GRXCR1: variants seen among roughly 807,000 people sequenced by gnomAD.
GRXCR1 encodes glutaredoxin domain-containing cysteine-rich protein 1.
In GRXCR1, 27 loss-of-function variants were observed where a neutral mutation model predicts 27.3. The ratio of observed to expected loss-of-function variants is 0.99; its 90% confidence interval spans 0.73 to 1.37. The LOEUF (loss-of-function observed/expected upper bound fraction) is 1.37. GRXCR1 is among the 40% of genes most tolerant of loss of function. The pLI, the probability that GRXCR1 is intolerant of heterozygous loss-of-function variation, is 0.00. For synonymous variants in GRXCR1, 122 were observed against 131.1 expected (o/e 0.93, Z 0.47); for missense variants, 379 against 354.4 (o/e 1.07, Z -0.56).
intron 1 of GRXCR1, among the ~76,000 whole-genome samples, chr4:42,934,430 C>T (rs936193488): frequency 4.6e-5 from 7 of 151,878 alleles, no homozygotes; most frequent in South Asian, 4.1e-4. Flanking sequence ...GAGTTTCTCT[C>T]TCTTCTTTTA....
intron 2 of GRXCR1, among the ~76,000 whole-genome samples, chr4:42,976,117 G>A (rs145070152): frequency 3.3e-5 from 5 of 152,154 alleles, no homozygotes; most frequent in African/African-American, 1.2e-4. Flanking sequence ...TTGTGAAGTG[G>A]TCTAGCAGGT....
intron 2 of GRXCR1, among the ~76,000 whole-genome samples, chr4:42,994,458 G>A (rs955617392): frequency 1.3e-5 from 2 of 152,114 alleles, no homozygotes; most frequent in Non-Finnish European, 2.9e-5. Flanking sequence ...CTCTGCTGCA[G>A]CTTCTATAGG....
intron 1 of GRXCR1, among the ~76,000 whole-genome samples, chr4:42,929,119 C>A (rs1186755011): frequency 6.6e-6 from 1 of 151,970 alleles, no homozygotes. Flanking sequence ...GATATAATTT[C>A]TTACTATGTC....
intron 1 of GRXCR1, among the ~76,000 whole-genome samples, chr4:42,949,212 A>C (rs1294196818): frequency 1.3e-5 from 2 of 151,794 alleles, no homozygotes; most frequent in East Asian, 2.0e-4. Context: ...ACACACACAA[A>C]AAAAAAGCTG....
intron 1 of GRXCR1, among the ~76,000 whole-genome samples, chr4:42,929,325 C>G (rs1034563572): frequency 3.9e-5 from 6 of 151,946 alleles, no homozygotes; most frequent in African/African-American, 1.4e-4. Flanking sequence ...TGCACAGTGG[C>G]CTATAATAGC....
intron 2 of GRXCR1, among the ~76,000 whole-genome samples, chr4:43,014,323 G>T (rs1712863626): frequency 6.6e-6 from 1 of 151,936 alleles, no homozygotes; most frequent in African/African-American, 2.4e-5. Flanking sequence ...TTTTTTGGTG[G>T]GGCTCAGGTG....
intron 1 of GRXCR1, among the ~76,000 whole-genome samples, chr4:42,899,535 T>C (rs1309499492): frequency 6.6e-6 from 1 of 152,156 alleles, no homozygotes; most frequent in African/African-American, 2.4e-5. Flanking sequence ...CTCCTTTTAG[T>C]CTTTCTCTTA....
At chr4:43,005,367 A>AT (rs1430789794) in intron 2 of GRXCR1, among the ~76,000 whole-genome samples, 3 of 152,176 alleles carry the variant, frequency 2.0e-5, no homozygotes, top group Non-Finnish European at 4.4e-5. Flanking sequence ...AGTTTCTGAC[A>AT]TTTTTTAGTT....
Position 43,003,188 on chromosome 4 carries a change from A to G in GRXCR1, c.628-17166A>G, listed in dbSNP as rs979509008. ...AACTTCTTTTCTTCATAAATTACCC[A>G]GTCTCAAGTAGTTCTTTATAGAAGT... On this transcript the variant is annotated intron_variant, in intron 2 of 3. Transcript: ENST00000399770. 5.3e-5 allele frequency among the ~76,000 whole-genome samples: 8 copies of G among 152,282 alleles called. No homozygotes were observed. In the East Asian group the frequency reaches 5.8e-4, roughly 11 times the overall value.
chr4:42,933,650 A>G (rs1747383032), intron 1 of GRXCR1, among the ~76,000 whole-genome samples: 1 of 151,906 alleles, frequency 6.6e-6, no homozygotes, highest in South Asian at 2.1e-4. Context: ...GCCCTCATAA[A>G]TAGGATTTGT....
chr4:42,989,791 T>G (rs891113872), intron 2 of GRXCR1, among the ~76,000 whole-genome samples: 2 of 152,210 alleles, frequency 1.3e-5, no homozygotes, highest in Non-Finnish European at 2.9e-5. Context: ...TTCTTTCTCT[T>G]AGAAAAGTTC....
chr4:42,972,684 A>C (rs145248902), intron 2 of GRXCR1, among the ~76,000 whole-genome samples: 16 of 152,282 alleles, frequency 1.1e-4, no homozygotes, highest in Non-Finnish European at 1.9e-4. Context: ...TCAAAACCCA[A>C]ATTTTATACT....
chr4:42,893,598 A>C lies in GRXCR1; in HGVS notation c.332A>C (p.Tyr111Ser). Residue 111 changes from tyrosine to serine, a missense_variant, in exon 1 of 4, where the codon TAC becomes TCC. Transcript: ENST00000399770. ...SKNGTVRGVKYKVSAGQALFN... is the reference protein window; with the variant it reads ...SKNGTVRGVKSKVSAGQALFN... ...AATGGCACAGTCAGAGGCGTCAAAT[A>C]CAAAGTGAGTGCTGGCCAGGCTCTA... The C allele has an allele frequency of 6.2e-7, 1 of 1,613,738 alleles. No individual in the cohort carries two copies. Among genetic ancestry groups the C allele is most frequent in the Non-Finnish European group, 8.5e-7 (1 of 1,179,782 alleles).
rs527763677 is a variant in GRXCR1, at chr4:42,922,547, T to C, written c.384+28897T>C. ...GCAGTGCTGGGTACTTAGAACATGA[T>C]TTAGAAGAGGATGAAGGTTTCAGAT... On this transcript the variant is annotated intron_variant, in intron 1 of 3. Transcript: ENST00000399770. Among the ~76,000 whole-genome samples the C allele has an allele frequency of 3.3e-5, 5 of 152,140 alleles. No homozygotes were observed. In the East Asian group the frequency reaches 7.8e-4, roughly 24 times the overall value.
chr4:42,909,935 T>A (rs1168619758), intron 1 of GRXCR1, among the ~76,000 whole-genome samples: 1 of 152,044 alleles, frequency 6.6e-6, no homozygotes, highest in Non-Finnish European at 1.5e-5. Flanking sequence ...CCAATACAGA[T>A]GTGTATTAGT....
At chr4:42,936,050 A>C (rs1747451212) in intron 1 of GRXCR1, among the ~76,000 whole-genome samples, 1 of 151,894 alleles carries the variant, frequency 6.6e-6, no homozygotes, top group African/African-American at 2.4e-5. Context: ...TGCTCTACTA[A>C]ATATTTACCA....
intron 2 of GRXCR1, among the ~76,000 whole-genome samples, chr4:42,987,254 T>TATA (rs1553943948): frequency 3.1e-4 from 21 of 66,990 alleles, no homozygotes; most frequent in African/African-American, 1.1e-3. Flanking sequence ...ATATAATATA[T>TATA]ATATATAATA....
chr4:42,994,161 C>A (rs1008272719), intron 2 of GRXCR1, among the ~76,000 whole-genome samples: 1 of 152,002 alleles, frequency 6.6e-6, no homozygotes, highest in Non-Finnish European at 1.5e-5. Context: ...TCAGTCAGTT[C>A]GTGTTGTATC....
At chr4:42,928,685 G>A (rs1359600793) in intron 1 of GRXCR1, among the ~76,000 whole-genome samples, 2 of 152,006 alleles carry the variant, frequency 1.3e-5, no homozygotes, top group Non-Finnish European at 2.9e-5. Context: ...TAGGAGCAAG[G>A]GGAGAGATTG....
Sources: gnomAD v4.1 joint callset for allele counts (sites outside exome capture counted in the v4.1 genomes callset) on GRCh38, gnomAD v4.1.1 for gene constraint, MANE v1.5 for transcripts, NCBI Gene and HGNC (gene_info 2026-07-23, HGNC 2026-07-21) for gene names.